The following LIMS4 variants were observed in gnomAD, a reference collection of about 807,000 sequenced individuals.
LIMS4 encodes the protein LIM and senescent cell antigen-like-containing domain protein 4.
At chr2:110,411,337 A>C in the LIMS4 span, among the ~76,000 whole-genome samples, 1 of 138,712 alleles carries the variant, frequency 7.2e-6, no homozygotes, top group Non-Finnish European at 1.5e-5. Flanking sequence ...AATATATTTT[A>C]GGTAGAAAAT....
the LIMS4 span, among the ~76,000 whole-genome samples, chr2:110,382,140 TATATATATATAC>T: frequency 8.4e-5 from 8 of 95,152 alleles, no homozygotes; most frequent in Admixed American, 4.7e-4. Context: ...TATATATATA[TATATATATATAC>T]ATGTTTGAAC....
At chr2:110,425,008 T>A in the LIMS4 span, among the ~76,000 whole-genome samples, 2 of 143,810 alleles carry the variant, frequency 1.4e-5, no homozygotes, top group Admixed American at 6.8e-5. Flanking sequence ...TGGGTCCCGG[T>A]CAGCTTTGCG....
chr2:110,361,198 C>A, the LIMS4 span: 2 of 830,642 alleles, frequency 2.4e-6, no homozygotes, highest in Non-Finnish European at 4.2e-6. Flanking sequence ...GCTTCTCCAA[C>A]ATCAACTGTT....
chr2:110,425,732 T>G, the LIMS4 span, among the ~76,000 whole-genome samples: 222 of 140,642 alleles, frequency 1.6e-3, 16 homozygotes, highest in Non-Finnish European at 2.1e-4. Context: ...ACTAAAGTTC[T>G]GCTGACAATT....
the LIMS4 span, among the ~76,000 whole-genome samples, chr2:110,398,737 TC>T: frequency 1.2e-5 from 1 of 80,326 alleles, no homozygotes; most frequent in African/African-American, 4.9e-5. Flanking sequence ...CTCCTTGCTC[TC>T]CCAGGATCGA....
the LIMS4 span, among the ~76,000 whole-genome samples, chr2:110,359,384 C>A: frequency 1.2e-5 from 1 of 81,304 alleles, no homozygotes; most frequent in Non-Finnish European, 2.5e-5. Context: ...ATAACTCTCT[C>A]AGAGAACTAT....
the LIMS4 span, among the ~76,000 whole-genome samples, chr2:110,392,171 C>G: frequency 6.6e-6 from 1 of 151,966 alleles, no homozygotes; most frequent in East Asian, 1.9e-4. Context: ...CTTTAAACCT[C>G]CAAACATGTG....
the LIMS4 span, among the ~76,000 whole-genome samples, chr2:110,359,853 GA>G: frequency 1.2e-3 from 2 of 1,636 alleles, no homozygotes; most frequent in African/African-American, 1.3e-3. Flanking sequence ...GATCTACCCA[GA>G]AAACCTGTCC....
At chr2:110,371,518 T>C in the LIMS4 span, among the ~76,000 whole-genome samples, 7 of 131,520 alleles carry the variant, frequency 5.3e-5, 1 homozygote, top group East Asian at 1.5e-3. Context: ...CGCTCCTTTT[T>C]GGTTTAGGCA....
the LIMS4 span, among the ~76,000 whole-genome samples, chr2:110,425,635 G>A: frequency 1.4e-5 from 2 of 142,626 alleles, no homozygotes; most frequent in South Asian, 4.3e-4. Flanking sequence ...GAGCAAGACA[G>A]GGGAGAGGAG....
chr2:110,411,556 C>A, the LIMS4 span, among the ~76,000 whole-genome samples: 14 of 138,030 alleles, frequency 1.0e-4, 1 homozygote, highest in Non-Finnish European at 1.9e-4. Flanking sequence ...CACTTGTCCA[C>A]AAACGTAAGC....
At chr2:110,391,971 G>A in the LIMS4 span, among the ~76,000 whole-genome samples, 4 of 150,122 alleles carry the variant, frequency 2.7e-5, 1 homozygote, top group South Asian at 8.3e-4. Context: ...AGGCTGAGCA[G>A]TCAGCACGCC....
chr2:110,361,002 C>G, the LIMS4 span: 2 of 1,579,400 alleles, frequency 1.3e-6, no homozygotes, highest in Non-Finnish European at 8.6e-7. Flanking sequence ...ACCTTAAAAA[C>G]ATTGATTTCC....
At chr2:110,389,894 C>T in the LIMS4 span, among the ~76,000 whole-genome samples, 1 of 145,996 alleles carries the variant, frequency 6.8e-6, no homozygotes, top group Non-Finnish European at 1.5e-5. Flanking sequence ...GGGAGAGATG[C>T]AAAGAGGCCA....
the LIMS4 span, among the ~76,000 whole-genome samples, chr2:110,418,654 T>TTG: frequency 1.7e-5 from 2 of 115,372 alleles, no homozygotes; most frequent in South Asian, 5.8e-4. Context: ...TCCTTTCTTT[T>TTG]TTTTTTTTTT....
At chr2:110,391,246 G>A in the LIMS4 span, among the ~76,000 whole-genome samples, 4 of 147,876 alleles carry the variant, frequency 2.7e-5, no homozygotes, top group South Asian at 2.1e-4. Context: ...GTAACCGCCC[G>A]TAACAATGGG....
the LIMS4 span, among the ~76,000 whole-genome samples, chr2:110,365,658 A>C: frequency 5.3e-3 from 681 of 127,496 alleles, no homozygotes; most frequent in Middle Eastern, 0.011. Flanking sequence ...CTAAAACTAG[A>C]AGAAGACAAG....
chr2:110,369,246 C>A, the LIMS4 span, among the ~76,000 whole-genome samples: 1 of 83,968 alleles, frequency 1.2e-5, no homozygotes, highest in East Asian at 3.4e-4. Context: ...CCCAAGACCC[C>A]TTGAGGAAAG....
the LIMS4 span, among the ~76,000 whole-genome samples, chr2:110,366,323 C>T: frequency 6.6e-6 from 1 of 152,186 alleles, no homozygotes; most frequent in Non-Finnish European, 1.5e-5. Flanking sequence ...TCTACCAGCA[C>T]ATCAAAAAGC....
Sources: allele counts gnomAD v4.1 joint callset (sites outside exome capture counted in the v4.1 genomes callset), GRCh38; gene constraint gnomAD v4.1.1; transcripts MANE v1.5; gene names NCBI Gene and HGNC (gene_info 2026-07-23, HGNC 2026-07-21).